The following ZBED6 variants were observed in gnomAD, a reference collection of about 807,000 sequenced individuals.
ZBED6 encodes the protein zinc finger BED-type containing 6, also known as zinc finger BED domain-containing protein 6.
A neutral mutation model predicts 58.4 loss-of-function variants in ZBED6; 40 were observed. The ratio of observed to expected loss-of-function variants is 0.68; its 90% CI spans 0.53 to 0.89. ZBED6 has a LOEUF of 0.89. Ranked by LOEUF, ZBED6 falls within the 40% of genes least tolerant of loss-of-function variation. ZBED6 has a pLI of 0.00. For synonymous variants in ZBED6, 439 were observed against 350.6 expected (o/e 1.25, Z -2.82); for missense variants, 1,057 against 1,003.9 (o/e 1.05, Z -0.71).
intron 11 of ZBED6, among the ~76,000 whole-genome samples, chr1:203,845,195 C>T (rs1043497962): frequency 1.3e-5 from 2 of 152,168 alleles, no homozygotes; most frequent in African/African-American, 4.8e-5. Context: ...GATGTATGCT[C>T]TGCCAGTGAC....
exon 7 of ZBED6, chr1:203,830,182 G>GA: frequency 6.2e-7 from 1 of 1,600,488 alleles, no homozygotes; most frequent in South Asian, 1.1e-5. Flanking sequence ...GAAAATGAAG[G>GA]AAAAATCTAA....
chr1:203,852,629 A>G (rs1689545519), exon 17 of ZBED6: 2 of 548,984 alleles, frequency 3.6e-6, no homozygotes, highest in Non-Finnish European at 6.4e-6. Context: ...TCTTTTGAGA[A>G]AAAAGTTCTG....
chr1:203,816,755 C>G (rs1676510080), intron 1 of ZBED6, among the ~76,000 whole-genome samples, 171 bp from the exon 2 acceptor site: 1 of 152,108 alleles, frequency 6.6e-6, no homozygotes, highest in Non-Finnish European at 1.5e-5. Context: ...CAAAATTTTA[C>G]ATTGTAGATG....
exon 1 of ZBED6, chr1:203,798,895 C>T: frequency 2.0e-6 from 3 of 1,536,088 alleles, no homozygotes; most frequent in Non-Finnish European, 2.6e-6. Flanking sequence ...AAGGCTGTAC[C>T]TCAGTTATAT....
intron 9 of ZBED6, among the ~76,000 whole-genome samples, chr1:203,836,293 G>A (rs1425238502): frequency 6.6e-6 from 1 of 152,034 alleles, no homozygotes; most frequent in East Asian, 1.9e-4. Flanking sequence ...ACTTTGTGAT[G>A]GTTTTATATT....
At chr1:203,807,789 C>G (rs1672884629) in intron 1 of ZBED6, among the ~76,000 whole-genome samples, 1 of 151,962 alleles carries the variant, frequency 6.6e-6, no homozygotes, top group Admixed American at 6.6e-5. Context: ...TTGCGCAGAC[C>G]AGAGTGCAGT....
intron 1 of ZBED6, among the ~76,000 whole-genome samples, chr1:203,809,768 A>C (rs1571986941): frequency 6.6e-6 from 1 of 152,092 alleles, no homozygotes; most frequent in South Asian, 2.1e-4. Context: ...AATCTGGCCA[A>C]CATGGTGAAA....
intron 3 of ZBED6, among the ~76,000 whole-genome samples, chr1:203,821,030 G>A (rs572258554): frequency 6.6e-6 from 1 of 152,268 alleles, no homozygotes; most frequent in East Asian, 1.9e-4. Context: ...GTTTGGCTCT[G>A]TATCCTCACC....
intron 8 of ZBED6, among the ~76,000 whole-genome samples, chr1:203,831,988 T>A (rs1558126425): frequency 1.3e-5 from 2 of 152,214 alleles, no homozygotes; most frequent in Non-Finnish European, 2.9e-5. Context: ...TTCCATTTAC[T>A]GTTTATATCC....
rs747947362 is a variant in ZBED6 at position 203,847,448 on chromosome 1, T to C, written c.*4006T>C. 34 of 1,613,626 alleles carry C rather than the reference T, an allele frequency of 2.1e-5. No homozygotes were observed. Among genetic ancestry groups the C allele is most frequent in the Non-Finnish European group, 2.7e-5 (32 of 1,179,854 alleles). On this transcript the variant is annotated 3_prime_UTR_variant, in exon 12 of 17. Transcript: ENST00000550078. The stretch of plus-strand genomic sequence containing the variant: ...GATACAACTTGCATCAAGCTAAAGA[T>C]TGATAGTGAAATTAAAAAAACAGTA...
intron 14 of ZBED6, 73 bp downstream of exon 14, chr1:203,850,099 C>T (rs1345773196): frequency 6.6e-6 from 9 of 1,370,188 alleles, no homozygotes; most frequent in South Asian, 2.7e-5. Flanking sequence ...TTGCCAGTAA[C>T]TTCCTGGCAA....
intron 3 of ZBED6, among the ~76,000 whole-genome samples, chr1:203,820,466 T>TTGTGTGTGTGTGTGTGTG (rs144962991): frequency 2.1e-4 from 28 of 136,470 alleles, no homozygotes; most frequent in Middle Eastern, 3.5e-3. Context: ...ATATCACAAA[T>TTGTGTGTGTGTGTGTGTG]TATGTGTGTG....
chr1:203,798,750 A>C, exon 1 of ZBED6: 1 of 1,536,180 alleles, frequency 6.5e-7, no homozygotes. Flanking sequence ...CTCAAGTCAC[A>C]TAAGTCAGGC....
intron 3 of ZBED6, among the ~76,000 whole-genome samples, chr1:203,819,936 T>G (rs928623488): frequency 6.6e-6 from 1 of 151,808 alleles, no homozygotes; most frequent in African/African-American, 2.4e-5. Context: ...TATCTTTTAT[T>G]TTAGAAAGAG....
At chr1:203,830,977 G>T (rs866073630) in intron 7 of ZBED6, among the ~76,000 whole-genome samples, 903 of 37,290 alleles carry the variant, frequency 0.024, 4 homozygotes, top group African/African-American at 0.069. Flanking sequence ...ACAGAGTTTT[G>T]CTTTTGTTGC....
At chr1:203,850,306 A>G (rs1056491732) in intron 14 of ZBED6, 2 of 709,684 alleles carry the variant, frequency 2.8e-6, no homozygotes, top group African/African-American at 1.8e-5. Context: ...AATGGTAACA[A>G]ATTTAAGTGG....
At chr1:203,846,169 G>GT (rs1216945776) in intron 11 of ZBED6, among the ~76,000 whole-genome samples, 1 of 145,014 alleles carries the variant, frequency 6.9e-6, no homozygotes, top group Non-Finnish European at 1.5e-5. Flanking sequence ...TTGGGGGGGG[G>GT]GTTCATTAAA....
In ZBED6 at chr1:203,829,674, T is replaced by C. The variant is rs1311732224; in HGVS notation, c.*3201+20T>C. On this transcript the variant is annotated intron_variant, in intron 5 of 16. Transcript: ENST00000550078. ...ATGATGGTAAGTTCTGTCTGGCTCC[T>C]TCTTTAAGGCAAATAAATAGGGTCT... 1.2e-6 allele frequency: 2 copies of C among 1,614,144 alleles called. No individual in the cohort carries two copies. Among genetic ancestry groups the C allele is most frequent in the Admixed American group, 3.3e-5 (2 of 60,030 alleles).
exon 17 of ZBED6, chr1:203,853,871 C>T (rs1689709963): frequency 6.6e-6 from 1 of 152,652 alleles, no homozygotes; most frequent in South Asian, 2.1e-4. Context: ...GATAGCCCTT[C>T]TCCAAAGCAG....
Sources: allele counts gnomAD v4.1 joint callset (sites outside exome capture counted in the v4.1 genomes callset), GRCh38; gene constraint gnomAD v4.1.1; transcripts MANE v1.5; gene names NCBI Gene and HGNC (gene_info 2026-07-23, HGNC 2026-07-21).